Variants in RNF216 observed in about 807,000 individuals in gnomAD.
RNF216 encodes E3 ubiquitin-protein ligase RNF216.
Under a neutral mutation model 110.8 loss-of-function variants are expected in RNF216, and 72 were observed. That is an observed-to-expected ratio of 0.65 (90% CI 0.54 to 0.79). The LOEUF (loss-of-function observed/expected upper bound fraction) is 0.79. Among genes scored for constraint, RNF216 ranks in the 30% least tolerant of loss-of-function variants. The pLI is 0.00. For missense variants in RNF216, 1,342 were observed against 1,141.2 expected, an observed-to-expected ratio of 1.18 and a Z score of -2.54; for synonymous variants, 495 against 407.5, an observed-to-expected ratio of 1.21 and a Z score of -2.59.
chr7:5,671,297 T>C (rs1167153024), intron 13 of RNF216, among the ~76,000 whole-genome samples: 1 of 152,184 alleles, frequency 6.6e-6, no homozygotes, highest in African/African-American at 2.4e-5. Flanking sequence ...CTGCTTTCTA[T>C]TGTTTTCCCA....
chr7:5,697,696 G>T (rs1791714805), intron 13 of RNF216, among the ~76,000 whole-genome samples: 2 of 152,224 alleles, frequency 1.3e-5, no homozygotes, highest in African/African-American at 4.8e-5. Flanking sequence ...GGGAAGGGAA[G>T]AATCTTTACA....
chr7:5,702,212 C>G (rs1792013399), intron 13 of RNF216, among the ~76,000 whole-genome samples: 1 of 152,136 alleles, frequency 6.6e-6, no homozygotes. Flanking sequence ...TGCAGCAGCC[C>G]TGCAGAGGGA....
intron 13 of RNF216, among the ~76,000 whole-genome samples, chr7:5,711,506 A>G (rs1474026396): frequency 6.6e-6 from 1 of 152,240 alleles, no homozygotes; most frequent in Non-Finnish European, 1.5e-5. Flanking sequence ...TTTACATTAT[A>G]GTATCTGTCC....
At chr7:5,716,676 T>C (rs1476093093) in intron 10 of RNF216, 40 bp downstream of exon 10, 4 of 1,528,142 alleles carry the variant, frequency 2.6e-6, no homozygotes, top group Non-Finnish European at 3.6e-6. Context: ...AAACAGCCCA[T>C]GAAAATGCCC....
At chr7:5,695,912 G>A (rs1017417109) in intron 13 of RNF216, among the ~76,000 whole-genome samples, 3 of 152,210 alleles carry the variant, frequency 2.0e-5, no homozygotes, top group Non-Finnish European at 4.4e-5. Context: ...ACTAAGCAGA[G>A]GTGCCACAGA....
At position 5,624,068 on chromosome 7, in the gene RNF216, T is replaced by C. The variant is rs1313771233; in HGVS notation, c.2440A>G (p.Arg814Gly). Residue 814 changes from arginine (R) to glycine (G), a missense_variant, in exon 16 of 17, where the codon AGA becomes GGA. Transcript: ENST00000389902. This position sits in a 1 kb window ranked among gnomAD's most constrained non-coding sequence, Gnocchi z 4.4. ...IQKEAEEEQK[R>G]KNGENTFKRI... is the part of the protein sequence containing the mutation. The stretch of plus-strand genomic sequence containing the variant: ...GAGGGGCACTTGCCTCCATTCTTTC[T>C]TTTCTGTTCCTCTTCAGCCTCCTTC... The C allele has an allele frequency of 6.2e-7, 1 of 1,613,672 alleles. No homozygotes were observed.
chr7:5,698,051 G>A (rs1254637950), intron 13 of RNF216, among the ~76,000 whole-genome samples: 1 of 152,120 alleles, frequency 6.6e-6, no homozygotes, highest in African/African-American at 2.4e-5. Flanking sequence ...ACAAGCTTCT[G>A]ACGGGAAATA....
chr7:5,764,396 C>T (rs1282345925), intron 1 of RNF216, among the ~76,000 whole-genome samples: 1 of 151,542 alleles, frequency 6.6e-6, no homozygotes, highest in Non-Finnish European at 1.5e-5. Flanking sequence ...ACCTGTAATC[C>T]CAGCACTCTG....
At chr7:5,712,988 C>A (rs1792814256) in intron 11 of RNF216, 125 bp from the exon 12 acceptor site, 2 of 870,418 alleles carry the variant, frequency 2.3e-6, no homozygotes, top group Non-Finnish European at 3.4e-6. Flanking sequence ...CTGTTCATCT[C>A]TGAGAAATCA....
At position 5,776,464 on chromosome 7, in the gene RNF216, G is replaced by A. The variant is rs1310064753; in HGVS notation, c.-70+5077C>T. On this transcript the variant is annotated intron_variant, in intron 1 of 16. Transcript: ENST00000389902. ...AAAAAAATTAGCCAGGCGTGGTGGC[G>A]GGCGCCTGTAGTCCTAGCTACTCAG... is the stretch of plus-strand genomic sequence containing the variant. Among the ~76,000 whole-genome samples, 11 of 151,322 alleles carry A rather than the reference G, an allele frequency of 7.3e-5. 1 individual carries two copies. The East Asian group carries it at 1.5e-3, about 21-fold the overall frequency.
chr7:5,641,357 C>T lies in RNF216; in HGVS notation c.2179G>A (p.Ala727Thr), dbSNP rs1787721848. The T allele has an allele frequency of 6.2e-6, 10 of 1,613,254 alleles. No individual in the cohort carries two copies. Among genetic ancestry groups the T allele is most frequent in the Non-Finnish European group, 7.6e-6 (9 of 1,179,620 alleles). Residue 727 changes from alanine to threonine, a missense_variant, in exon 15 of 17, where the codon GCC becomes ACC. Ala to Thr is a moderately conservative substitution (Grantham distance 58). Coordinates refer to ENST00000389902, the MANE Select transcript of RNF216 (RefSeq NM_207111.4). ...RTSIEEKMTA[A>T]RIRKCHKCGT... ...CACTTGTGGCATTTTCTAATGCGGG[C>T]AGCAGTCATTTTTTCTTCACTGAAA...
intron 13 of RNF216, among the ~76,000 whole-genome samples, chr7:5,673,859 ATT>A (rs756283994): frequency 0.019 from 2,269 of 121,504 alleles, 26 homozygotes; most frequent in Non-Finnish European, 0.029. Flanking sequence ...TCTTTCTCTC[ATT>A]TTTTTTTTTT....
At chr7:5,660,945 T>TTTTTTTTGTTG (rs1554352527) in intron 13 of RNF216, among the ~76,000 whole-genome samples, 1 of 93,916 alleles carries the variant, frequency 1.1e-5, no homozygotes, top group East Asian at 2.2e-4. Context: ...AGCCTTAGGT[T>TTTTTTTTGTTG]TTTTTTTTTT....
At chr7:5,729,399 G>A (rs1215367335) in intron 7 of RNF216, 33 bp downstream of exon 7, 2 of 1,607,356 alleles carry the variant, frequency 1.2e-6, no homozygotes, top group Non-Finnish European at 1.7e-6. Context: ...TAGTCAAGAG[G>A]TGTGACCCCA....
intron 15 of RNF216, among the ~76,000 whole-genome samples, chr7:5,626,836 G>C (rs1786738830): frequency 6.6e-6 from 1 of 152,190 alleles, no homozygotes; most frequent in African/African-American, 2.4e-5. Context: ...ATGAGCTCAA[G>C]TATGTAAAGG....
chr7:5,693,409 T>C (rs148188033), intron 13 of RNF216, among the ~76,000 whole-genome samples: 3 of 152,244 alleles, frequency 2.0e-5, no homozygotes, highest in East Asian at 1.9e-4. Context: ...GGACCTCCAC[T>C]GTACTGAGGT....
At chr7:5,770,279 T>G (rs1339504041) in intron 1 of RNF216, among the ~76,000 whole-genome samples, 1 of 151,630 alleles carries the variant, frequency 6.6e-6, no homozygotes, top group Non-Finnish European at 1.5e-5. Context: ...CTGACCAACA[T>G]GGAGAAACCC....
intron 3 of RNF216, among the ~76,000 whole-genome samples, chr7:5,742,744 C>G (rs1794834127): frequency 6.6e-6 from 1 of 151,676 alleles, no homozygotes. Flanking sequence ...TATAGGCGCA[C>G]ACCTCTACAT....
At chr7:5,722,368 T>G (rs1459149974) in intron 8 of RNF216, among the ~76,000 whole-genome samples, 1 of 22,816 alleles carries the variant, frequency 4.4e-5, no homozygotes, top group Non-Finnish European at 2.5e-4. Context: ...CTCATTCTCA[T>G]GTTTTTTTTT....
Sources: gnomAD v4.1 joint callset for allele counts (sites outside exome capture counted in the v4.1 genomes callset) on GRCh38, gnomAD v4.1.1 for gene constraint, Gnocchi (gnomAD v3.1) non-coding constraint, MANE v1.5 for transcripts, NCBI Gene and HGNC (gene_info 2026-07-23, HGNC 2026-07-21) for gene names.